PARP8: variants seen among roughly 807,000 people sequenced by gnomAD.
PARP8 encodes the protein poly(ADP-ribose) polymerase family member 8.
Under a neutral mutation model 124.1 loss-of-function variants are expected in PARP8, and 51 were observed. The ratio of observed to expected loss-of-function variants is 0.41; its 90% CI spans 0.33 to 0.52. The LOEUF (loss-of-function observed/expected upper bound fraction) is 0.52, where lower values mean the gene tolerates loss of function less well. Among genes scored for constraint, PARP8 ranks in the 20% least tolerant of loss-of-function variants. The probability of loss-of-function intolerance (pLI) is 0.21; values close to 1 mark genes in which losing one functional copy is unlikely to be tolerated. For missense variants in PARP8, 860 were observed against 1,018.9 expected (o/e 0.84, Z 2.12); for synonymous variants, 391 against 361.5 (o/e 1.08, Z -0.93).
At position 50,818,628 on chromosome 5, in the gene PARP8, C is replaced by T. The variant is rs915731227; in HGVS notation, c.1669-2585C>T. On this transcript the variant is annotated intron_variant, in intron 15 of 25. Transcript: ENST00000281631. ...TCCTGGGCTCAAGTGATCCTCCCAC[C>T]CCCGCCTCCCAAAATGCTGGGATTA... is the stretch of plus-strand genomic sequence containing the variant. Among the ~76,000 whole-genome samples the T allele has an allele frequency of 9.2e-5, 14 of 152,000 alleles. 1 individual carries two copies. The highest frequency in any genetic ancestry group is 3.4e-4 in the African/African-American group (14 of 41,388).
chr5:50,807,638 C>T (rs1473275163), intron 14 of PARP8, among the ~76,000 whole-genome samples: 3 of 152,210 alleles, frequency 2.0e-5, no homozygotes, highest in African/African-American at 7.2e-5. Flanking sequence ...CTGTTATACT[C>T]ACCTTAATCA....
At chr5:50,667,649 C>T in intron 1 of PARP8, 1 of 699,360 alleles carries the variant, frequency 1.4e-6, no homozygotes, top group South Asian at 1.5e-5. Context: ...GCGCTCGGCC[C>T]ATCTCCGGCC....
In PARP8 at chr5:50,827,778, T is replaced by C. The variant is rs146189224; in HGVS notation, c.1978-166T>C. The stretch of plus-strand genomic sequence containing the variant: ...AATTCCATGTGACTTATCACTTGCG[T>C]AGAGTTTTAAAAACATTATACAAAT... On this transcript the variant is annotated intron_variant, in intron 19 of 25. Coordinates refer to ENST00000281631, the MANE Select transcript of PARP8 (RefSeq NM_024615.4). Among the ~76,000 whole-genome samples the C allele has an allele frequency of 5.2e-3, 787 of 152,318 alleles. 31 individuals carry two copies. The highest frequency in any genetic ancestry group is 0.047 in the Admixed American group (725 of 15,306).
chr5:50,692,598 G>GA (rs1752613495), intron 2 of PARP8, among the ~76,000 whole-genome samples: 1 of 152,020 alleles, frequency 6.6e-6, no homozygotes, highest in Non-Finnish European at 1.5e-5. Context: ...ATGAAGGAAT[G>GA]AATGCTCTTG....
intron 9 of PARP8, among the ~76,000 whole-genome samples, chr5:50,785,674 A>G (rs1741166806): frequency 6.6e-6 from 1 of 152,148 alleles, no homozygotes; most frequent in African/African-American, 2.4e-5. Flanking sequence ...TCTTTGTACA[A>G]GGATTAGGGA....
intron 2 of PARP8, among the ~76,000 whole-genome samples, chr5:50,728,069 A>G (rs1756610214): frequency 6.6e-6 from 1 of 152,154 alleles, no homozygotes; most frequent in Non-Finnish European, 1.5e-5. Context: ...GATCAGTGAG[A>G]GTTAATTTTT....
Position 50,824,943 on chromosome 5 carries a change from A to G in PARP8, c.1896A>G (p.Lys632=), listed in dbSNP as rs1746178341. ...TGGAAATCAAGAAGCAAATGGATAA[A>G]CAGGACCCCCTTGCTCATCCCTTAC... The part of the protein sequence containing the change: ...PYLEIKKQMD[K]QDPLAHPLLQ... Residue 632 remains lysine (K), a synonymous_variant, in exon 18 of 26, where the codon AAA becomes AAG. Coordinates refer to ENST00000281631, the MANE Select transcript of PARP8 (RefSeq NM_024615.4). 6.2e-7 allele frequency: 1 copy of G among 1,613,272 alleles called. No homozygotes were observed. Among genetic ancestry groups the G allele is most frequent in the Non-Finnish European group, 8.5e-7 (1 of 1,179,434 alleles).
At chr5:50,820,582 A>C (rs1403675142) in intron 15 of PARP8, among the ~76,000 whole-genome samples, 1 of 152,198 alleles carries the variant, frequency 6.6e-6, no homozygotes, top group African/African-American at 2.4e-5. Context: ...ACTTGGATAG[A>C]GGAGAATAGG....
intron 14 of PARP8, among the ~76,000 whole-genome samples, chr5:50,806,779 C>A (rs1330319065): frequency 6.6e-6 from 1 of 151,980 alleles, no homozygotes; most frequent in Non-Finnish European, 1.5e-5. Flanking sequence ...TAATTTTTTT[C>A]TATATCTTAC....
At chr5:50,739,393 G>A (rs1295430870) in intron 2 of PARP8, among the ~76,000 whole-genome samples, 2 of 151,820 alleles carry the variant, frequency 1.3e-5, no homozygotes, top group Non-Finnish European at 2.9e-5. Context: ...TTTTTGTGGG[G>A]GGATGGGGGT....
chr5:50,757,838 A>G (rs1760130202), intron 3 of PARP8, among the ~76,000 whole-genome samples: 1 of 152,100 alleles, frequency 6.6e-6, no homozygotes. Context: ...TCATTCTATG[A>G]TACTGTAAAA....
Position 50,775,806 on chromosome 5 carries a change from A to G in PARP8, c.519-2263A>G, listed in dbSNP as rs1580302348. ...TTACAGTTTTTTTGGTGGAGCCTTT[A>G]GAGTTTTTTATATATACGATCATGT... On this transcript the variant is annotated intron_variant, in intron 7 of 25. Transcript: ENST00000281631. Among the ~76,000 whole-genome samples the G allele has an allele frequency of 3.9e-5, 6 of 152,148 alleles. 1 individual carries two copies. The South Asian group carries it at 1.2e-3, about 31-fold the overall frequency.
At chr5:50,732,618 CT>C (rs950544105) in intron 2 of PARP8, among the ~76,000 whole-genome samples, 9 of 151,826 alleles carry the variant, frequency 5.9e-5, no homozygotes, top group African/African-American at 2.2e-4. Context: ...GTATTTTTTT[CT>C]TTTTTTCCTT....
chr5:50,744,760 G>A (rs996699889), intron 2 of PARP8: 8 of 701,614 alleles, frequency 1.1e-5, no homozygotes, highest in African/African-American at 5.3e-5. Context: ...CTCCAGGGAT[G>A]TGAGGACAAA....
Position 50,672,151 on chromosome 5 carries a change from C to G in PARP8, c.146+4026C>G, listed in dbSNP as rs377619605. ...TCAGCCCTCTTTGTTAAGATATTTG[C>G]TAAGCCAGATTCTCTGAGAAGCCTT... On this transcript the variant is annotated intron_variant, in intron 2 of 25. Coordinates refer to ENST00000281631, the MANE Select transcript of PARP8 (RefSeq NM_024615.4). Among the ~76,000 whole-genome samples, 31 of 152,302 alleles carry G rather than the reference C, an allele frequency of 2.0e-4. No homozygotes were observed. The East Asian group carries it at 4.8e-3, about 24-fold the overall frequency.
rs764203043 is a variant in PARP8 at position 50,834,935 on chromosome 5, C to T, written c.2382C>T (p.Ile794=). ...ATTTTATTTTCCACTTAACAGTGATCACCTCATCTGACCTGCACAAACATG... is the reference window on the plus strand; with the variant it reads ...ATTTTATTTTCCACTTAACAGTGATTACCTCATCTGACCTGCACAAACATG... ...NLKCIALCEV[I]TSSDLHKHGE... The change falls in exon 25 of 26, where the codon ATC becomes ATT. Residue 794 remains isoleucine, a synonymous_variant. Transcript: ENST00000281631. The T allele has an allele frequency of 3.1e-6, 5 of 1,612,382 alleles. No individual in the cohort carries two copies. The highest frequency in any genetic ancestry group is 4.2e-6 in the Non-Finnish European group (5 of 1,178,714).
chr5:50,734,769 T>C (rs913691954), intron 2 of PARP8, among the ~76,000 whole-genome samples: 3 of 152,118 alleles, frequency 2.0e-5, no homozygotes, highest in Non-Finnish European at 4.4e-5. Flanking sequence ...GCTAAAGATA[T>C]GTTTATTTTT....
At chr5:50,683,537 A>G (rs1330590866) in intron 2 of PARP8, among the ~76,000 whole-genome samples, 2 of 152,188 alleles carry the variant, frequency 1.3e-5, no homozygotes, top group African/African-American at 2.4e-5. Context: ...TCATTATAAT[A>G]TGAGTAATTG....
chr5:50,807,657 G>A (rs1409470322), intron 14 of PARP8, among the ~76,000 whole-genome samples: 7 of 152,110 alleles, frequency 4.6e-5, no homozygotes, highest in Admixed American at 6.6e-5. Flanking sequence ...CACCTCAATC[G>A]TGGATTGGTA....
Sources: gnomAD v4.1 joint callset for allele counts (sites outside exome capture counted in the v4.1 genomes callset) on GRCh38, gnomAD v4.1.1 for gene constraint, MANE v1.5 for transcripts, NCBI Gene and HGNC (gene_info 2026-07-23, HGNC 2026-07-21) for gene names.